KLF3: variants seen among roughly 807,000 people sequenced by gnomAD.
KLF3 encodes the protein KLF transcription factor 3, also known as Krueppel-like factor 3.
In KLF3, 6 loss-of-function variants were observed where a neutral mutation model predicts 32.7. That is an observed-to-expected ratio of 0.18 (90% CI 0.10 to 0.36). KLF3 has a LOEUF of 0.36. Among genes scored for constraint, KLF3 ranks in the 10% least tolerant of loss-of-function variants. KLF3 has a pLI of 1.00. For missense variants in KLF3, 338 were observed against 449.7 expected, an observed-to-expected ratio of 0.75 and a Z score of 2.25; for synonymous variants, 145 against 172.8, an observed-to-expected ratio of 0.84 and a Z score of 1.26.
chr4:38,666,282 G>A (rs901730608), intron 1 of KLF3, among the ~76,000 whole-genome samples: 2 of 152,190 alleles, frequency 1.3e-5, no homozygotes, highest in South Asian at 4.1e-4. Flanking sequence ...AACGACAACA[G>A]AGTTTTGCAG....
In KLF3 at chr4:38,699,884, T is replaced by C. The variant is rs995554838; in HGVS notation, c.*2621T>C. On this transcript the variant is annotated 3_prime_UTR_variant, in exon 6 of 6. Coordinates refer to ENST00000261438, the MANE Select transcript of KLF3 (RefSeq NM_016531.6). ...GCCTCTTAGTCATTTTTAGCTGTTATTGTGGAAGACCTCAAATACAAGATT... is the reference window on the plus strand; with the variant it reads ...GCCTCTTAGTCATTTTTAGCTGTTACTGTGGAAGACCTCAAATACAAGATT... 6.6e-6 allele frequency: 1 copy of C among 152,236 alleles called. No homozygotes were observed. The highest frequency in any genetic ancestry group is 1.5e-5 in the Non-Finnish European group (1 of 68,038). 9.4% of individuals were successfully genotyped at this position (152,236 alleles called of 1,614,324 possible).
In KLF3 at chr4:38,689,826, A is replaced by G; in HGVS notation, c.642A>G (p.Glu214=). ...EPQRTDYYPE[E]MSPPLMNSVS... Reference sequence around the variant, plus strand: ...AGAGGACAGATTATTATCCTGAAGAAATGTCACCCCCCTTAATGAACTCAG... The same window carrying G: ...AGAGGACAGATTATTATCCTGAAGAGATGTCACCCCCCTTAATGAACTCAG... The change falls in exon 4 of 6, where the codon GAA becomes GAG. Residue 214 remains glutamate (E), a synonymous_variant. Coordinates refer to ENST00000261438, the MANE Select transcript of KLF3 (RefSeq NM_016531.6). 6.2e-7 allele frequency: 1 copy of G among 1,613,108 alleles called. No individual in the cohort carries two copies. Among genetic ancestry groups the G allele is most frequent in the Non-Finnish European group, 8.5e-7 (1 of 1,179,428 alleles).
intron 2 of KLF3, among the ~76,000 whole-genome samples, chr4:38,683,997 C>A (rs1722614630): frequency 1.3e-5 from 2 of 152,178 alleles, no homozygotes; most frequent in South Asian, 2.1e-4. Flanking sequence ...CCATGCCTTC[C>A]TGTGCCTGGA....
intron 2 of KLF3, among the ~76,000 whole-genome samples, chr4:38,682,735 A>G (rs1336713574): frequency 6.6e-6 from 1 of 152,248 alleles, no homozygotes; most frequent in African/African-American, 2.4e-5. Flanking sequence ...ATGAATTTGA[A>G]GTAACTGTTA....
intron 2 of KLF3, among the ~76,000 whole-genome samples, chr4:38,684,265 A>AT (rs1722622670): frequency 6.6e-6 from 1 of 152,118 alleles, no homozygotes; most frequent in Admixed American, 6.6e-5. Context: ...AATTAAAATC[A>AT]TTTTTTCAAA....
At chr4:38,675,385 G>A (rs1020254550) in intron 1 of KLF3, among the ~76,000 whole-genome samples, 1 of 129,790 alleles carries the variant, frequency 7.7e-6, no homozygotes, top group East Asian at 2.0e-4. Flanking sequence ...AAACAATTTT[G>A]CCCTTCCCCC....
intron 1 of KLF3, among the ~76,000 whole-genome samples, chr4:38,668,096 T>G (rs1163211152): frequency 1.3e-5 from 2 of 152,240 alleles, no homozygotes; most frequent in Admixed American, 1.3e-4. Context: ...TTTGGAAAAT[T>G]TTAATCTTCT....
At chr4:38,678,372 A>G (rs1722413734) in intron 1 of KLF3, among the ~76,000 whole-genome samples, 1 of 152,184 alleles carries the variant, frequency 6.6e-6, no homozygotes, top group African/African-American at 2.4e-5. Flanking sequence ...AAGCGTTTTC[A>G]TCCCTCATTA....
At chr4:38,684,182 G>T (rs1722619722) in intron 2 of KLF3, among the ~76,000 whole-genome samples, 1 of 152,114 alleles carries the variant, frequency 6.6e-6, no homozygotes. Context: ...AGAAACTATT[G>T]CAATTATCAC....
intron 4 of KLF3, among the ~76,000 whole-genome samples, chr4:38,691,309 A>G (rs1029480883): frequency 1.3e-5 from 2 of 152,238 alleles, no homozygotes; most frequent in African/African-American, 4.8e-5. Context: ...GCATCTGCTC[A>G]TGCACTCAAG....
chr4:38,688,802 C>T lies in KLF3; in HGVS notation c.275C>T (p.Ser92Leu), dbSNP rs368422949. Residue 92 changes from serine to leucine, a missense_variant, in exon 3 of 6, where the codon TCG becomes TTG. Physicochemically the swap from Ser to Leu is moderately radical, Grantham distance 145. Transcript: ENST00000261438. This position sits in a 1 kb window ranked among gnomAD's most constrained non-coding sequence, Gnocchi z 4.9. ...LKFPSSHRRASPGLSMPSSSP... is the reference protein window; with the variant it reads ...LKFPSSHRRALPGLSMPSSSP... ...TTCCCGTCCTCACACCGGAGAGCCT[C>T]GCCTGGGTTGAGCATGCCTTCTTCC... 9.7e-5 allele frequency: 156 copies of T among 1,614,234 alleles called. 2 individuals are homozygous for T. The South Asian group carries it at 1.3e-3, about 13-fold the overall frequency.
Position 38,671,449 on chromosome 4 carries a change from G to T in KLF3, c.-40+6988G>T, listed in dbSNP as rs1428262885. 6.6e-6 allele frequency among the ~76,000 whole-genome samples: 1 copy of T among 152,174 alleles called. No individual in the cohort carries two copies. Among genetic ancestry groups the T allele is most frequent in the Non-Finnish European group, 1.5e-5 (1 of 68,026 alleles). ...CAAGTGTGCGTACTGAGACAGGGTG[G>T]GCAGCAGGGGCCAGTTGGAAGGAGT... is the stretch of plus-strand genomic sequence containing the variant. On this transcript the variant is annotated intron_variant, in intron 1 of 5. Transcript: ENST00000261438. The surrounding 1 kb of genome is among the most constrained non-coding windows in gnomAD (Gnocchi z 4.4).
intron 2 of KLF3, among the ~76,000 whole-genome samples, chr4:38,686,300 G>A (rs111340188): frequency 0.21 from 32,025 of 151,622 alleles, 3,831 homozygotes; most frequent in African/African-American, 0.32. Context: ...ACAAAAATTA[G>A]CGAGGCGTGG....
At chr4:38,664,482 C>T (rs1190956815) in intron 1 of KLF3, 21 bp downstream of exon 1, 1 of 152,602 alleles carries the variant, frequency 6.6e-6, no homozygotes, top group East Asian at 1.9e-4. Context: ...TCTCCCTCAC[C>T]TCTGCTCCGC....
chr4:38,681,583 C>A (rs1199599480), intron 2 of KLF3, among the ~76,000 whole-genome samples: 1 of 152,216 alleles, frequency 6.6e-6, no homozygotes, highest in Non-Finnish European at 1.5e-5. Flanking sequence ...GCAGGTACAA[C>A]ACCAGTGCCA....
intron 1 of KLF3, among the ~76,000 whole-genome samples, chr4:38,677,759 C>T (rs1189684508): frequency 6.6e-6 from 1 of 152,094 alleles, no homozygotes; most frequent in Non-Finnish European, 1.5e-5. Flanking sequence ...TGTATGTTAG[C>T]AAAGAGGCAA....
At chr4:38,686,577 C>T (rs1384022278) in intron 2 of KLF3, among the ~76,000 whole-genome samples, 1 of 152,056 alleles carries the variant, frequency 6.6e-6, no homozygotes, top group African/African-American at 2.4e-5. Context: ...TTGGTCCACT[C>T]CCCGGTAATT....
At chr4:38,670,922 A>G (rs570651533) in intron 1 of KLF3, among the ~76,000 whole-genome samples, 1 of 152,342 alleles carries the variant, frequency 6.6e-6, no homozygotes, top group Admixed American at 6.5e-5. Flanking sequence ...CATTACTCTG[A>G]GTTATGCCAT....
At position 38,685,037 on chromosome 4, in the gene KLF3, A is replaced by G. The variant is rs530864122; in HGVS notation, c.58-3548A>G. 3.9e-5 allele frequency among the ~76,000 whole-genome samples: 6 copies of G among 152,308 alleles called. No individual in the cohort carries two copies. In the South Asian group the frequency reaches 1.0e-3, roughly 26 times the overall value. On this transcript the variant is annotated intron_variant, in intron 2 of 5. Coordinates refer to ENST00000261438, the MANE Select transcript of KLF3 (RefSeq NM_016531.6). The stretch of plus-strand genomic sequence containing the variant: ...TGGCCAGAGGCACATTTTTTGCTTC[A>G]TCAACATTTGTCTCTGATTTGGATA...
Sources: allele counts gnomAD v4.1 joint callset (sites outside exome capture counted in the v4.1 genomes callset), GRCh38; gene constraint gnomAD v4.1.1; non-coding constraint Gnocchi (gnomAD v3.1); transcripts MANE v1.5; gene names NCBI Gene and HGNC (gene_info 2026-07-23, HGNC 2026-07-21).